Variants in PAX7 observed in about 807,000 individuals in gnomAD.
The protein encoded by PAX7 is paired box protein Pax-7.
PAX7 carries 18 observed loss-of-function variants against 50.7 expected under a neutral mutation model. That is an observed-to-expected ratio of 0.36 (90% CI 0.25 to 0.53). The LOEUF (loss-of-function observed/expected upper bound fraction) is 0.53, where lower values mean the gene tolerates loss of function less well. Ranked by LOEUF, PAX7 falls within the 20% of genes least tolerant of loss-of-function variation. The pLI is 0.93. For synonymous variants in PAX7, 310 were observed against 290.4 expected (o/e 1.07, Z -0.69); for missense variants, 644 against 702.9 (o/e 0.92, Z 0.95).
At chr1:18,681,336 T>TA (rs1405816054) in intron 4 of PAX7, among the ~76,000 whole-genome samples, 2 of 152,082 alleles carry the variant, frequency 1.3e-5, no homozygotes, top group African/African-American at 4.8e-5. Context: ...ACCAGCATGT[T>TA]AAAGAGACCA....
intron 4 of PAX7, among the ~76,000 whole-genome samples, chr1:18,661,473 G>T (rs565887916): frequency 6.6e-6 from 1 of 152,148 alleles, no homozygotes; most frequent in Non-Finnish European, 1.5e-5. Context: ...TGAGAGGATC[G>T]AACTGGCCTT....
chr1:18,691,761 G>A lies in PAX7; in HGVS notation c.594G>A (p.Arg198=), dbSNP rs1201638290. 1 of 1,576,448 alleles carries A rather than the reference G, an allele frequency of 6.3e-7. No homozygotes were observed. The stretch of plus-strand genomic sequence containing the variant: ...CCTCTCCTCCGGCTGTAGGGAACCG[G>A]CTGGACGAGGGCTCGGATGTGGAGT... The part of the protein sequence containing the change: ...IDGILGDKGN[R]LDEGSDVESE... The change falls in exon 5 of 9, where the codon CGG becomes CGA. Residue 198 remains arginine (R), a synonymous_variant. Transcript: ENST00000420770.
chr1:18,740,360 T>C (rs1183058731), intron 8 of PAX7, among the ~76,000 whole-genome samples: 2 of 152,070 alleles, frequency 1.3e-5, no homozygotes, highest in Non-Finnish European at 2.9e-5. Flanking sequence ...GGCTGGTCGC[T>C]GGGAGAGGCT....
rs2089700315 is a variant in PAX7 at position 18,735,653 on chromosome 1, C to G, written c.1177C>G (p.Pro393Ala). 1 of 1,613,518 alleles carries G rather than the reference C, an allele frequency of 6.2e-7. No homozygotes were observed. Among genetic ancestry groups the G allele is most frequent in the Non-Finnish European group, 8.5e-7 (1 of 1,179,766 alleles). ...ACAGGTGATGAGCATCTTGGGCAAC[C>G]CCAGTGCGGTGCCCCCGCAGCCACA... ...SPQVMSILGN[P>A]SAVPPQPQAD... The change falls in exon 8 of 9, where the codon CCC becomes GCC. Residue 393 changes from proline (P) to alanine (A), a missense_variant. By Grantham distance (27) the Pro-to-Ala change is conservative. Coordinates refer to ENST00000420770, the MANE Select transcript of PAX7 (RefSeq NM_001135254.2). The surrounding 1 kb of genome is among the most constrained non-coding windows in gnomAD (Gnocchi z 4.0).
Position 18,698,635 on chromosome 1 carries a change from G to A in PAX7, c.787-2018G>A, listed in dbSNP as rs150057451. Among the ~76,000 whole-genome samples, 140 of 152,316 alleles carry A rather than the reference G, an allele frequency of 9.2e-4. 1 individual carries two copies. Among genetic ancestry groups the A allele is most frequent in the Middle Eastern group, 3.4e-3 (1 of 294 alleles). On this transcript the variant is annotated intron_variant, in intron 5 of 8. Transcript: ENST00000420770. ...CCCTTCCCGCAGAGCCTGGAAGCTC[G>A]GAGGCAAGGCCATTCCTTGCAGGGC...
rs1045501032 is a variant in PAX7 at position 18,748,534 on chromosome 1, G to A, written c.*3605G>A. ...GATGCTTCTTCAAGTCAGCTCTGAC[G>A]TGGCCAATTCCCTGACCTGGGAAAT... On this transcript the variant is annotated 3_prime_UTR_variant, in exon 9 of 9. Coordinates refer to ENST00000420770, the MANE Select transcript of PAX7 (RefSeq NM_001135254.2). 3.5e-5 allele frequency: 8 copies of A among 230,770 alleles called. No individual in the cohort carries two copies. Among genetic ancestry groups the A allele is most frequent in the East Asian group, 2.4e-4 (4 of 16,330 alleles). 14.3% of individuals were successfully genotyped at this position (230,770 alleles called of 1,614,324 possible).
rs560218887 is a variant in PAX7 at position 18,746,162 on chromosome 1, C to A, written c.*1233C>A. 8.6e-6 allele frequency: 2 copies of A among 231,940 alleles called. No homozygotes were observed. The highest frequency in any genetic ancestry group is 1.1e-4 in the Admixed American group (2 of 17,750). 14.4% of individuals were successfully genotyped at this position (231,940 alleles called of 1,614,324 possible). ...TGCCCCACAGACAAGATGATCCCCC[C>A]TGGCATGTTGTTAGGGGCAAATTGC... On this transcript the variant is annotated 3_prime_UTR_variant, in exon 9 of 9. Coordinates refer to ENST00000420770, the MANE Select transcript of PAX7 (RefSeq NM_001135254.2).
chr1:18,688,818 GC>G (rs1311265694), intron 4 of PAX7, among the ~76,000 whole-genome samples: 6 of 152,194 alleles, frequency 3.9e-5, no homozygotes, highest in African/African-American at 1.2e-4. Flanking sequence ...GGAGGGTGAG[GC>G]ACGACAACCA....
intron 7 of PAX7, among the ~76,000 whole-genome samples, chr1:18,730,831 G>T (rs922680394): frequency 1.4e-4 from 22 of 152,178 alleles, no homozygotes; most frequent in Admixed American, 2.0e-4. Context: ...CGGAAGGGAG[G>T]GTGAGGCTGG....
intron 5 of PAX7, among the ~76,000 whole-genome samples, chr1:18,695,351 A>G (rs2089137718): frequency 2.0e-5 from 3 of 152,206 alleles, no homozygotes; most frequent in African/African-American, 7.2e-5. Flanking sequence ...CCCAGCAGTC[A>G]TTTACAGAGT....
At position 18,745,139 on chromosome 1, in the gene PAX7, C is replaced by A; in HGVS notation, c.*210C>A. ...CAGAGTGATGCCCTTGGAGTCTGCT[C>A]CCCACTTTCCCCAAGGAGGGTTTCT... is the stretch of plus-strand genomic sequence containing the variant. On this transcript the variant is annotated 3_prime_UTR_variant, in exon 9 of 9. Transcript: ENST00000420770. 1 of 574,244 alleles carries A rather than the reference C, an allele frequency of 1.7e-6. No homozygotes were observed. Among genetic ancestry groups the A allele is most frequent in the Non-Finnish European group, 3.1e-6 (1 of 321,796 alleles). The allele number at this position is 574,244 out of a possible 1,614,324, so 35.6% of individuals were successfully genotyped here. A position where few individuals can be genotyped will look rare whatever the true frequency, so the allele number is the denominator to read the frequency against.
chr1:18,637,820 G>C (rs564943818), intron 4 of PAX7, among the ~76,000 whole-genome samples: 149 of 152,392 alleles, frequency 9.8e-4, no homozygotes, highest in African/African-American at 3.5e-3. Context: ...AGTCCCGCCC[G>C]GGACAAAAGG....
chr1:18,696,631 G>T (rs1333265100), intron 5 of PAX7, among the ~76,000 whole-genome samples: 1 of 152,160 alleles, frequency 6.6e-6, no homozygotes, highest in African/African-American at 2.4e-5. Flanking sequence ...TATGTTAAGT[G>T]AAATAAGCCA....
rs143542595 is a variant in PAX7, at chr1:18,632,929, G to A, written c.85+1241G>A. On this transcript the variant is annotated intron_variant, in intron 1 of 8. Transcript: ENST00000420770. The surrounding 1 kb of genome is among the most constrained non-coding windows in gnomAD (Gnocchi z 6.3). Reference sequence around the variant, plus strand: ...AAGTAAAACAGGCGGCTGAGGACGCGCGGCGGATTAGAACAATATTTGCCC... The same window carrying A: ...AAGTAAAACAGGCGGCTGAGGACGCACGGCGGATTAGAACAATATTTGCCC... 1.8e-4 allele frequency among the ~76,000 whole-genome samples: 27 copies of A among 152,352 alleles called. 1 individual carries two copies. The highest frequency in any genetic ancestry group is 3.4e-3 in the Middle Eastern group (1 of 294).
At chr1:18,696,922 C>T (rs2298892) in intron 5 of PAX7, among the ~76,000 whole-genome samples, 8,667 of 152,162 alleles carry the variant, frequency 0.057, 430 homozygotes, top group East Asian at 0.25. Flanking sequence ...CTGTTTGTAA[C>T]ACAAAGGGTA....
At position 18,734,071 on chromosome 1, in the gene PAX7, C is replaced by T. The variant is rs553447930; in HGVS notation, c.1156-1561C>T. Among the ~76,000 whole-genome samples the T allele has an allele frequency of 2.1e-4, 32 of 152,320 alleles. No homozygotes were observed. The South Asian group carries it at 4.3e-3, about 21-fold the overall frequency. On this transcript the variant is annotated intron_variant, in intron 7 of 8. Coordinates refer to ENST00000420770, the MANE Select transcript of PAX7 (RefSeq NM_001135254.2). Reference sequence around the variant, plus strand: ...AGCCCGAGGAATCCATCAGTGCCCTCGACTGTGGCCAGGCCTCAATGCCTG... The same window carrying T: ...AGCCCGAGGAATCCATCAGTGCCCTTGACTGTGGCCAGGCCTCAATGCCTG...
chr1:18,718,791 C>T (rs1025632955), intron 7 of PAX7, among the ~76,000 whole-genome samples: 1 of 151,936 alleles, frequency 6.6e-6, no homozygotes, highest in Non-Finnish European at 1.5e-5. Context: ...TACAGGCATG[C>T]ACCACCACGC....
At chr1:18,652,778 TG>T (rs1457401714) in intron 4 of PAX7, among the ~76,000 whole-genome samples, 1 of 152,182 alleles carries the variant, frequency 6.6e-6, no homozygotes, top group African/African-American at 2.4e-5. Context: ...CTCAGCTCTT[TG>T]GGTCCAGATG....
At chr1:18,728,135 G>T (rs983590162) in intron 7 of PAX7, among the ~76,000 whole-genome samples, 1 of 152,120 alleles carries the variant, frequency 6.6e-6, no homozygotes. Context: ...GTCCCCTGGG[G>T]GCTGGAGGAG....
Sources: allele counts gnomAD v4.1 joint callset (sites outside exome capture counted in the v4.1 genomes callset), GRCh38; gene constraint gnomAD v4.1.1; non-coding constraint Gnocchi (gnomAD v3.1); transcripts MANE v1.5; gene names NCBI Gene and HGNC (gene_info 2026-07-23, HGNC 2026-07-21).